The following LRMDA variants were observed in gnomAD, a reference collection of about 807,000 sequenced individuals.
The protein encoded by LRMDA is leucine-rich melanocyte differentiation-associated protein.
A neutral mutation model predicts 29.8 loss-of-function variants in LRMDA; 18 were observed. The observed-to-expected ratio is 0.60, with a 90% CI of 0.42 to 0.90. The LOEUF (loss-of-function observed/expected upper bound fraction) is 0.90. Ranked by LOEUF, LRMDA falls within the 40% of genes least tolerant of loss-of-function variation. The pLI is 0.00. For missense variants in LRMDA, 273 were observed against 273.9 expected (o/e 1.00, Z 0.02); for synonymous variants, 125 against 109.4 (o/e 1.14, Z -0.89).
At chr10:75,937,413 C>T (rs964294375) in intron 2 of LRMDA, among the ~76,000 whole-genome samples, 2 of 152,160 alleles carry the variant, frequency 1.3e-5, no homozygotes, top group African/African-American at 4.8e-5. Flanking sequence ...AGCTTGGGGG[C>T]CTGGCCCTCA....
chr10:76,342,009 T>C (rs947004236), intron 6 of LRMDA, among the ~76,000 whole-genome samples: 4 of 152,126 alleles, frequency 2.6e-5, no homozygotes, highest in African/African-American at 9.7e-5. Flanking sequence ...AGTGGCAAAA[T>C]TCTGGAAGAG....
chr10:75,494,515 C>CTTTTTTTTT (rs34902194), intron 2 of LRMDA, among the ~76,000 whole-genome samples: 24 of 102,870 alleles, frequency 2.3e-4, no homozygotes, highest in Admixed American at 6.6e-4. Context: ...ATGTTTGTTC[C>CTTTTTTTTT]TTTTTTTTTT....
rs147130160 is a variant in LRMDA at position 75,830,126 on chromosome 10, C to A, written c.132-205882C>A. 5.2e-3 allele frequency among the ~76,000 whole-genome samples: 795 copies of A among 152,172 alleles called. 11 individuals are homozygous for A. The highest frequency in any genetic ancestry group is 0.018 in the African/African-American group (764 of 41,522). On this transcript the variant is annotated intron_variant, in intron 2 of 6. Coordinates refer to ENST00000611255, the MANE Select transcript of LRMDA (RefSeq NM_001305581.2). ...ATGAGCATTACTTGGGAAAATATAT[C>A]GAACCACCTTAAACGTCCATTTCCC...
intron 2 of LRMDA, among the ~76,000 whole-genome samples, chr10:75,695,280 A>G (rs1379049198): frequency 6.6e-6 from 1 of 152,036 alleles, no homozygotes; most frequent in Non-Finnish European, 1.5e-5. Flanking sequence ...TCTTAACACC[A>G]TTTCCCCAAA....
chr10:75,729,375 G>A (rs926479325), intron 2 of LRMDA, among the ~76,000 whole-genome samples: 4 of 152,314 alleles, frequency 2.6e-5, no homozygotes, highest in Non-Finnish European at 4.4e-5. Flanking sequence ...TCACTGGATC[G>A]CCAGCTTCAT....
intron 2 of LRMDA, among the ~76,000 whole-genome samples, chr10:76,035,380 G>A (rs1848223759): frequency 6.6e-6 from 1 of 152,050 alleles, no homozygotes; most frequent in Admixed American, 6.5e-5. Flanking sequence ...CCTTGCCTTT[G>A]GGGCAGCCAC....
At chr10:75,559,159 G>A (rs1398247076) in intron 2 of LRMDA, among the ~76,000 whole-genome samples, 1 of 152,114 alleles carries the variant, frequency 6.6e-6, no homozygotes, top group Non-Finnish European at 1.5e-5. Flanking sequence ...CAGTGTAAAA[G>A]TGTTCCTATT....
intron 2 of LRMDA, among the ~76,000 whole-genome samples, chr10:75,741,644 T>C (rs1018458454): frequency 9.9e-5 from 15 of 152,190 alleles, no homozygotes; most frequent in Non-Finnish European, 2.1e-4. Flanking sequence ...ACGTTTATGC[T>C]GTGGATTTTT....
At chr10:76,527,051 A>C (rs1223233532) in intron 6 of LRMDA, among the ~76,000 whole-genome samples, 1 of 34,896 alleles carries the variant, frequency 2.9e-5, no homozygotes, top group African/African-American at 1.6e-4. Context: ...AGGTCTGACA[A>C]AAAAAAAAAA....
chr10:76,482,854 A>G (rs1294936567), intron 6 of LRMDA, among the ~76,000 whole-genome samples: 1 of 152,004 alleles, frequency 6.6e-6, no homozygotes, highest in Non-Finnish European at 1.5e-5. Context: ...TCAGCAGCAT[A>G]TGAGAATTTT....
intron 6 of LRMDA, among the ~76,000 whole-genome samples, chr10:76,537,506 A>G (rs1273769875): frequency 2.0e-5 from 3 of 152,140 alleles, no homozygotes; most frequent in Admixed American, 6.5e-5. Context: ...TGGAGGCCCA[A>G]AGGAAAATTT....
intron 2 of LRMDA, among the ~76,000 whole-genome samples, chr10:75,750,972 A>G (rs979115212): frequency 1.3e-5 from 2 of 152,094 alleles, no homozygotes; most frequent in Non-Finnish European, 2.9e-5. Flanking sequence ...GGCGGCTGGG[A>G]GGTGGAGTTT....
In LRMDA at chr10:75,788,260, A is replaced by G. The variant is rs573455121; in HGVS notation, c.132-247748A>G. The stretch of plus-strand genomic sequence containing the variant: ...TGGGAGTTTTAGTTTCTTTTACAAA[A>G]AGGAACAGATTCAGCCTCTTGTGTT... On this transcript the variant is annotated intron_variant, in intron 2 of 6. Transcript: ENST00000611255. 5.3e-5 allele frequency among the ~76,000 whole-genome samples: 8 copies of G among 152,316 alleles called. No individual in the cohort carries two copies. The East Asian group carries it at 1.5e-3, about 29-fold the overall frequency.
rs371187533 is a variant in LRMDA, at chr10:75,503,660, A to G, written c.131+65166A>G. Among the ~76,000 whole-genome samples, 23 of 152,248 alleles carry G rather than the reference A, an allele frequency of 1.5e-4. No individual in the cohort carries two copies. The South Asian group carries it at 4.8e-3, about 32-fold the overall frequency. On this transcript the variant is annotated intron_variant, in intron 2 of 6. Coordinates refer to ENST00000611255, the MANE Select transcript of LRMDA (RefSeq NM_001305581.2). ...GAGCATTAACCACCTTCTGGTTTGC[A>G]TCAAGGTGGCTGTCTAATGGGTCAT...
At chr10:75,998,012 C>G (rs971613711) in intron 2 of LRMDA, among the ~76,000 whole-genome samples, 4 of 152,116 alleles carry the variant, frequency 2.6e-5, no homozygotes, top group Admixed American at 6.5e-5. Context: ...GTTCCACACC[C>G]TGTGTTGGCT....
In LRMDA at chr10:75,929,295, A is replaced by ATGTGTGTG. The variant is rs151109175; in HGVS notation, c.132-106701_132-106694dup. Among the ~76,000 whole-genome samples the ATGTGTGTG allele has an allele frequency of 2.7e-3, 411 of 151,114 alleles. 2 individuals are homozygous for ATGTGTGTG. Among genetic ancestry groups the ATGTGTGTG allele is most frequent in the Middle Eastern group, 6.8e-3 (2 of 292 alleles). On this transcript the variant is annotated intron_variant, in intron 2 of 6. Transcript: ENST00000611255. ...ATACAAGCATTTAAATGCATGATCT[A>ATGTGTGTG]TGTGTGTGTGTGTGTGTGTAAATGA...
chr10:75,526,055 A>C (rs1220977898), intron 2 of LRMDA, among the ~76,000 whole-genome samples: 1 of 151,006 alleles, frequency 6.6e-6, no homozygotes, highest in East Asian at 1.9e-4. Flanking sequence ...TATTTTATTT[A>C]TTTATTTATT....
chr10:75,632,798 T>G (rs1564526975), intron 2 of LRMDA, among the ~76,000 whole-genome samples: 1 of 141,030 alleles, frequency 7.1e-6, no homozygotes, highest in Non-Finnish European at 1.5e-5. Flanking sequence ...TTTTTTTTTT[T>G]TTTTTTTTTT....
intron 2 of LRMDA, among the ~76,000 whole-genome samples, chr10:76,020,793 A>G (rs1178166637): frequency 6.6e-6 from 1 of 152,248 alleles, no homozygotes; most frequent in Non-Finnish European, 1.5e-5. Flanking sequence ...AATATAGACT[A>G]TGGTGGACAT....
Sources: allele counts gnomAD v4.1 joint callset (sites outside exome capture counted in the v4.1 genomes callset), GRCh38; gene constraint gnomAD v4.1.1; transcripts MANE v1.5; gene names NCBI Gene and HGNC (gene_info 2026-07-23, HGNC 2026-07-21).